GULP1: variants seen among roughly 807,000 people sequenced by gnomAD.
The protein encoded by GULP1 is PTB domain-containing engulfment adapter protein 1.
Under a neutral mutation model 40.9 loss-of-function variants are expected in GULP1, and 19 were observed. That is an observed-to-expected ratio of 0.46 (90% CI 0.32 to 0.68). The LOEUF (loss-of-function observed/expected upper bound fraction) is 0.68, where lower values mean the gene tolerates loss of function less well. Ranked by LOEUF, GULP1 falls within the 30% of genes least tolerant of loss-of-function variation. The pLI, the probability that GULP1 is intolerant of heterozygous loss-of-function variation, is 0.03. For synonymous variants in GULP1, 119 were observed against 117.6 expected (o/e 1.01, Z -0.08); for missense variants, 312 against 362.2 (o/e 0.86, Z 1.12).
chr2:188,503,977 G>A (rs1457051062), intron 4 of GULP1, among the ~76,000 whole-genome samples: 3 of 151,728 alleles, frequency 2.0e-5, no homozygotes, highest in Non-Finnish European at 4.4e-5. Flanking sequence ...GTAAAATAAA[G>A]CCTTGACAAT....
chr2:188,554,130 G>C (rs1273336696), intron 7 of GULP1, among the ~76,000 whole-genome samples: 1 of 151,382 alleles, frequency 6.6e-6, no homozygotes, highest in African/African-American at 2.4e-5. Flanking sequence ...TATTTTTTTA[G>C]TCTCTATTTC....
intron 2 of GULP1, among the ~76,000 whole-genome samples, chr2:188,385,546 C>G (rs984282374): frequency 1.3e-5 from 2 of 152,168 alleles, no homozygotes; most frequent in East Asian, 1.9e-4. Context: ...ATTTATGCAG[C>G]TAGCTTGAAT....
chr2:188,386,144 A>G (rs1574916572), intron 2 of GULP1, among the ~76,000 whole-genome samples: 1 of 152,226 alleles, frequency 6.6e-6, no homozygotes, highest in African/African-American at 2.4e-5. Context: ...AGTTTAATGG[A>G]CTTACAGTTC....
At chr2:188,592,351 A>G (rs1703735003) in intron 11 of GULP1, 1 of 152,010 alleles carries the variant, frequency 6.6e-6, no homozygotes, top group Non-Finnish European at 1.5e-5. Flanking sequence ...TAATATACAG[A>G]TCTTCAGATA....
intron 1 of GULP1, among the ~76,000 whole-genome samples, chr2:188,355,643 G>T (rs2045189910): frequency 6.6e-6 from 1 of 151,974 alleles, no homozygotes; most frequent in South Asian, 2.1e-4. Context: ...TAAAAAAATT[G>T]AAGAGGAGAA....
intron 1 of GULP1, among the ~76,000 whole-genome samples, chr2:188,313,644 T>A (rs964610944): frequency 2.0e-5 from 3 of 152,206 alleles, no homozygotes; most frequent in African/African-American, 7.2e-5. Context: ...TTTCTAATTC[T>A]GTGAAGAATG....
intron 1 of GULP1, among the ~76,000 whole-genome samples, chr2:188,353,222 AAAT>A (rs2044753059): frequency 1.3e-5 from 2 of 152,198 alleles, no homozygotes; most frequent in South Asian, 4.1e-4. Context: ...AGAAAATACT[AAAT>A]AAAAAATGAA....
At chr2:188,370,271 A>G (rs2047428469) in intron 1 of GULP1, among the ~76,000 whole-genome samples, 1 of 152,214 alleles carries the variant, frequency 6.6e-6, no homozygotes, top group Non-Finnish European at 1.5e-5. Flanking sequence ...GAGAGCACAC[A>G]GATGGCCAGT....
intron 1 of GULP1, among the ~76,000 whole-genome samples, chr2:188,337,183 G>A (rs1403195727): frequency 6.6e-6 from 1 of 151,514 alleles, no homozygotes; most frequent in Non-Finnish European, 1.5e-5. Context: ...CTGTCATCCA[G>A]GCTGGAGTGC....
At chr2:188,456,415 C>T (rs989319321) in intron 2 of GULP1, among the ~76,000 whole-genome samples, 5 of 152,130 alleles carry the variant, frequency 3.3e-5, no homozygotes, top group African/African-American at 9.7e-5. Flanking sequence ...GCTCCGCCAT[C>T]GCTGAAATGG....
At chr2:188,465,510 C>T (rs1350957157) in intron 2 of GULP1, among the ~76,000 whole-genome samples, 1 of 152,074 alleles carries the variant, frequency 6.6e-6, no homozygotes, top group Non-Finnish European at 1.5e-5. Flanking sequence ...CCTAGCAGTC[C>T]TGGCTGGTGT....
At chr2:188,485,976 C>T (rs1355262890) in intron 4 of GULP1, among the ~76,000 whole-genome samples, 1 of 151,974 alleles carries the variant, frequency 6.6e-6, no homozygotes, top group Admixed American at 6.6e-5. Flanking sequence ...TTTACAGCAA[C>T]ACCTAGATTA....
chr2:188,382,126 T>C (rs1017120255), intron 1 of GULP1, among the ~76,000 whole-genome samples: 2 of 152,156 alleles, frequency 1.3e-5, no homozygotes, highest in Non-Finnish European at 2.9e-5. Flanking sequence ...AGTGCTGTAG[T>C]TCAGACTGGC....
chr2:188,369,340 A>T (rs2047290699), intron 1 of GULP1, among the ~76,000 whole-genome samples: 1 of 151,922 alleles, frequency 6.6e-6, no homozygotes, highest in South Asian at 2.1e-4. Context: ...CCTTGAATGG[A>T]TGTTAAGGAG....
At chr2:188,548,827 G>GGTTTGGTTTTGTTTT (rs1553598078) in intron 7 of GULP1, among the ~76,000 whole-genome samples, 13 of 149,458 alleles carry the variant, frequency 8.7e-5, no homozygotes, top group African/African-American at 3.2e-4. Flanking sequence ...GGGGAAAGAA[G>GGTTTGGTTTTGTTTT]GTTTTGTTTT....
intron 6 of GULP1, among the ~76,000 whole-genome samples, chr2:188,534,826 A>G (rs1330701421): frequency 1.5e-4 from 23 of 151,994 alleles, no homozygotes. Context: ...TTTTAATATC[A>G]AATCTGCATG....
intron 1 of GULP1, among the ~76,000 whole-genome samples, chr2:188,322,659 A>G (rs1011193654): frequency 1.1e-4 from 17 of 152,078 alleles, no homozygotes; most frequent in Non-Finnish European, 1.3e-4. Flanking sequence ...TTGGAAATGT[A>G]TATTGACTAC....
chr2:188,531,074 C>A (rs987195135), intron 6 of GULP1, among the ~76,000 whole-genome samples: 1 of 152,130 alleles, frequency 6.6e-6, no homozygotes, highest in African/African-American at 2.4e-5. Flanking sequence ...AATTCCAGTT[C>A]CCAGCAACAA....
intron 2 of GULP1, among the ~76,000 whole-genome samples, chr2:188,411,210 G>T (rs2053834164): frequency 6.6e-6 from 1 of 152,156 alleles, no homozygotes; most frequent in African/African-American, 2.4e-5. Flanking sequence ...CAAAATATCT[G>T]TGTCAGCGTA....
Sources: gnomAD v4.1 joint callset for allele counts (sites outside exome capture counted in the v4.1 genomes callset) on GRCh38, gnomAD v4.1.1 for gene constraint, MANE v1.5 for transcripts, NCBI Gene and HGNC (gene_info 2026-07-23, HGNC 2026-07-21) for gene names.